Variants in SLC25A45 observed in about 807,000 individuals in gnomAD.
SLC25A45 encodes the protein solute carrier family 25 member 45, also known as methylated amino-acid transporter SLC25A45.
A neutral mutation model predicts 23.0 loss-of-function variants in SLC25A45; 22 were observed. The observed-to-expected ratio is 0.95, with a 90% CI of 0.68 to 1.36. The LOEUF (loss-of-function observed/expected upper bound fraction) is 1.36. Ranked by LOEUF, SLC25A45 falls within the 40% of genes most tolerant of loss-of-function variation. The probability of loss-of-function intolerance (pLI) is 0.00; values close to 1 mark genes in which losing one functional copy is unlikely to be tolerated. For missense variants in SLC25A45, 355 were observed against 383.5 expected (o/e 0.93, Z 0.62); for synonymous variants, 136 against 155.0 (o/e 0.88, Z 0.91).
In SLC25A45 at chr11:65,376,939, C is replaced by T. The variant is rs201083265; in HGVS notation, c.477G>A (p.Gly159=). The T allele has an allele frequency of 4.3e-6, 7 of 1,612,968 alleles. No individual in the cohort carries two copies. Among genetic ancestry groups the T allele is most frequent in the East Asian group, 2.2e-5 (1 of 44,882 alleles). ...AGGCTCCTCGGAACAGCCCCCGGGGCCCCTCCTCCCGGAAGATGGAGGCTG... is the reference window on the plus strand; with the variant it reads ...AGGCTCCTCGGAACAGCCCCCGGGGTCCCTCCTCCCGGAAGATGGAGGCTG... ...HCAASIFREE[G]PRGLFRGAWA... is the part of the protein sequence containing the mutation. Residue 159 remains glycine, a synonymous_variant, in exon 6 of 7, where the codon GGG becomes GGA. Coordinates refer to ENST00000398802, the MANE Select transcript of SLC25A45 (RefSeq NM_182556.4).
intron 5 of SLC25A45, 126 bp from the exon 6 acceptor site, chr11:65,377,202 A>G (rs1293553020): frequency 6.9e-7 from 1 of 1,448,816 alleles, no homozygotes; most frequent in Admixed American, 2.8e-5. Context: ...CCCTGCCGGC[A>G]CCCAGCCTCT....
chr11:65,380,958 G>A (rs1401065216), intron 2 of SLC25A45: 1 of 210,228 alleles, frequency 4.8e-6, no homozygotes, highest in Non-Finnish European at 1.0e-5. Flanking sequence ...GGCCTGGAGA[G>A]CAGGGCTCAA....
At position 65,376,472 on chromosome 11, in the gene SLC25A45, G is replaced by A. The variant is rs752388826; in HGVS notation, c.802C>T (p.Arg268Cys). The change falls in exon 7 of 7, where the codon CGC becomes TGC. Residue 268 changes from arginine to cysteine, a missense_variant. Arg to Cys is a radical substitution (Grantham distance 180). Coordinates refer to ENST00000398802, the MANE Select transcript of SLC25A45 (RefSeq NM_182556.4). ...GTGACAGCATTGACGGGAAAGGCGC[G>A]GGCACTGTTGATGGTGACCCCCCGG... Reference protein sequence around the residue: ...FFRGVTINSARAFPVNAVTFL... With the variant: ...FFRGVTINSACAFPVNAVTFL... 11 of 1,614,022 alleles carry A rather than the reference G, an allele frequency of 6.8e-6. No individual in the cohort carries two copies. In the Admixed American group the frequency reaches 1.3e-4, roughly 20 times the overall value.
rs1276639533 is a variant in SLC25A45, at chr11:65,382,187, G to A, written c.-18-218C>T. The stretch of plus-strand genomic sequence containing the variant: ...TACAGTCTCACGGGCCAGGCGTGCC[G>A]GGACCACAGAGGCCCTGATCCCCGA... On this transcript the variant is annotated intron_variant, in intron 1 of 6. Coordinates refer to ENST00000398802, the MANE Select transcript of SLC25A45 (RefSeq NM_182556.4). This position sits in a 1 kb window ranked among gnomAD's most constrained non-coding sequence, Gnocchi z 4.4. 3 of 571,918 alleles carry A rather than the reference G, an allele frequency of 5.2e-6. No individual in the cohort carries two copies. Among genetic ancestry groups the A allele is most frequent in the Non-Finnish European group, 9.4e-6 (3 of 317,638 alleles). 35.4% of individuals were successfully genotyped at this position (571,918 alleles called of 1,614,324 possible). A position where few individuals can be genotyped will look rare whatever the true frequency, so the allele number is the denominator to read the frequency against.
chr11:65,381,877 T>C (rs765180631), intron 2 of SLC25A45, 38 bp downstream of exon 2: 12 of 1,611,978 alleles, frequency 7.4e-6, no homozygotes, highest in South Asian at 4.4e-5. Context: ...TGACCTACCA[T>C]TGGGTGTGAT....
chr11:65,378,829 T>G (rs1439184355), intron 5 of SLC25A45: 1 of 154,976 alleles, frequency 6.5e-6, no homozygotes, highest in Non-Finnish European at 1.4e-5. Flanking sequence ...CATCCACCCC[T>G]CTAAAGCCCA....
intron 3 of SLC25A45, 23 bp from the exon 4 acceptor site, chr11:65,379,961 T>C: frequency 6.2e-7 from 1 of 1,613,948 alleles, no homozygotes; most frequent in South Asian, 1.1e-5. Flanking sequence ...ACAGAGCAGG[T>C]AGGGTGGCGG....
chr11:65,377,385 G>A, intron 5 of SLC25A45: 1 of 1,228,336 alleles, frequency 8.1e-7, no homozygotes. Flanking sequence ...GCAGGAGCAG[G>A]TTGGTTTCTG....
chr11:65,381,764 C>A, intron 2 of SLC25A45, 151 bp downstream of exon 2: 1 of 920,532 alleles, frequency 1.1e-6, no homozygotes, highest in South Asian at 1.3e-5. Context: ...CCCTATGTTG[C>A]CCAGACTGGT....
intron 2 of SLC25A45, 122 bp from the exon 3 acceptor site, chr11:65,380,297 T>C: frequency 7.1e-7 from 1 of 1,401,836 alleles, no homozygotes; most frequent in Non-Finnish European, 1.0e-6. Flanking sequence ...CTCAGACACA[T>C]GCAGCCACCT....
At chr11:65,377,935 G>A (rs559443179) in intron 5 of SLC25A45, 6 of 152,494 alleles carry the variant, frequency 3.9e-5, no homozygotes, top group African/African-American at 1.4e-4. Flanking sequence ...CAGTTCCTCA[G>A]CCCTGGAGAT....
rs1855614742 is a variant in SLC25A45 at position 65,382,307 on chromosome 11, C to CCCTG, written c.-19+175_-19+178dup. ...CTGCCTTAGTCAGCAAGAGGCAAGCCCCTGCCTGCCCAGCCAGCCCAGCTC... is the reference window on the plus strand; with the variant it reads ...CTGCCTTAGTCAGCAAGAGGCAAGCCCCTGCCTGCCTGCCCAGCCAGCCCAGCTC... On this transcript the variant is annotated intron_variant, in intron 1 of 6. Transcript: ENST00000398802. The surrounding 1 kb of genome is among the most constrained non-coding windows in gnomAD (Gnocchi z 4.4). 3.1e-6 allele frequency: 1 copy of CCCTG among 324,910 alleles called. No individual in the cohort carries two copies. Among genetic ancestry groups the CCCTG allele is most frequent in the Non-Finnish European group, 6.0e-6 (1 of 167,654 alleles). The allele number at this position is 324,910 out of a possible 1,614,324, so 20.1% of individuals were successfully genotyped here.
chr11:65,376,993 TG>T lies in SLC25A45; in HGVS notation c.422del (p.Pro141HisfsTer30). 1.9e-6 allele frequency: 3 copies of T among 1,613,334 alleles called. No homozygotes were observed. Among genetic ancestry groups the T allele is most frequent in the Admixed American group, 1.7e-5 (1 of 59,918 alleles). ...AGTGCACGGGCCCCTGGTACCGGGG[TG>T]GGGGGCTCCCTGGCTGGGCCCTTGG... ...TEPRAQPGSPPPRYQGPVHCA... is the reference protein window; with the variant it reads ...TEPRAQPGSPXPRYQGPVHCA... On this transcript the variant is annotated frameshift_variant, in exon 6 of 7. Coordinates refer to ENST00000398802, the MANE Select transcript of SLC25A45 (RefSeq NM_182556.4). LOFTEE classifies it high-confidence loss of function.
intron 2 of SLC25A45, chr11:65,380,726 G>A (rs992119361): frequency 1.4e-5 from 9 of 655,588 alleles, no homozygotes; most frequent in Admixed American, 6.7e-5. Context: ...GCAGAGGCTG[G>A]TTCTGGAGTT....
At chr11:65,378,204 C>A (rs1342720200) in intron 5 of SLC25A45, 1 of 152,146 alleles carries the variant, frequency 6.6e-6, no homozygotes, top group Non-Finnish European at 1.5e-5. Context: ...GTGACAGACA[C>A]CCCCACAGGG....
chr11:65,380,033 A>T, intron 3 of SLC25A45, 95 bp from the exon 4 acceptor site: 1 of 1,579,966 alleles, frequency 6.3e-7, no homozygotes, highest in Non-Finnish European at 8.7e-7. Context: ...CCAGCAGGAG[A>T]GGCAGGAAAG....
At chr11:65,381,773 G>A (rs944939674) in intron 2 of SLC25A45, 142 bp downstream of exon 2, 2 of 999,628 alleles carry the variant, frequency 2.0e-6, no homozygotes. Flanking sequence ...GCCCAGACTG[G>A]TCTCAAACTC....
intron 6 of SLC25A45, 60 bp from the exon 7 acceptor site, chr11:65,376,735 C>T (rs1357067681): frequency 4.5e-5 from 72 of 1,613,792 alleles, no homozygotes; most frequent in Middle Eastern, 3.3e-4. Flanking sequence ...CTCCCCAGAC[C>T]CTAGTTTCCT....
rs1389320520 is a variant in SLC25A45 at position 65,382,456 on chromosome 11, G to A, written c.-19+30C>T. Reference sequence around the variant, plus strand: ...CGCATTTGCCGCTGCGTGGCAGGGTGGGGAGGAGCCACTCCCAGGAGTGAC... The same window carrying A: ...CGCATTTGCCGCTGCGTGGCAGGGTAGGGAGGAGCCACTCCCAGGAGTGAC... On this transcript the variant is annotated intron_variant, in intron 1 of 6. Coordinates refer to ENST00000398802, the MANE Select transcript of SLC25A45 (RefSeq NM_182556.4). The surrounding 1 kb of genome is among the most constrained non-coding windows in gnomAD (Gnocchi z 4.4). 1.6e-5 allele frequency: 3 copies of A among 182,504 alleles called. No homozygotes were observed. The highest frequency in any genetic ancestry group is 1.4e-4 in the East Asian group (1 of 7,382). The allele number at this position is 182,504 out of a possible 1,614,324, so 11.3% of individuals were successfully genotyped here.
Sources: allele counts gnomAD v4.1 joint callset, GRCh38; gene constraint gnomAD v4.1.1; non-coding constraint Gnocchi (gnomAD v3.1); transcripts MANE v1.5; gene names NCBI Gene and HGNC (gene_info 2026-07-23, HGNC 2026-07-21).